Variants in USP47 observed in about 807,000 individuals in gnomAD.
The protein encoded by USP47 is ubiquitin carboxyl-terminal hydrolase 47.
Under a neutral mutation model 165.1 loss-of-function variants are expected in USP47, and 35 were observed. That is an observed-to-expected ratio of 0.21 (90% CI 0.16 to 0.28). The LOEUF (loss-of-function observed/expected upper bound fraction) is 0.28, where lower values mean the gene tolerates loss of function less well. Ranked by LOEUF, USP47 falls within the 10% of genes least tolerant of loss-of-function variation. USP47 has a pLI of 1.00. For missense variants in USP47, 1,277 were observed against 1,607.4 expected, an observed-to-expected ratio of 0.79 and a Z score of 3.52; for synonymous variants, 531 against 544.5, an observed-to-expected ratio of 0.98 and a Z score of 0.35.
intron 8 of USP47, among the ~76,000 whole-genome samples, chr11:11,908,961 A>G (rs932631857): frequency 6.6e-6 from 1 of 152,128 alleles, no homozygotes; most frequent in African/African-American, 2.4e-5. Context: ...ATCACAGTGC[A>G]TATTATATTT....
At chr11:11,869,310 T>C (rs1849881762) in intron 1 of USP47, among the ~76,000 whole-genome samples, 1 of 149,026 alleles carries the variant, frequency 6.7e-6, no homozygotes, top group South Asian at 2.1e-4. Context: ...AGAGTTAGGT[T>C]GAGAATTTTT....
chr11:11,865,904 C>A (rs1849651449), intron 1 of USP47, among the ~76,000 whole-genome samples: 1 of 151,978 alleles, frequency 6.6e-6, no homozygotes, highest in African/African-American at 2.4e-5. Flanking sequence ...TATAAGAATT[C>A]TTTATATATT....
At chr11:11,877,805 CTGTGTG>C (rs10577564) in intron 1 of USP47, among the ~76,000 whole-genome samples, 1,789 of 70,968 alleles carry the variant, frequency 0.025, 26 homozygotes, top group East Asian at 0.068. Flanking sequence ...CTCTCTCTCT[CTGTGTG>C]TGTGTGTGTG....
At chr11:11,932,729 T>A (rs1162742008) in intron 14 of USP47, among the ~76,000 whole-genome samples, 2 of 152,166 alleles carry the variant, frequency 1.3e-5, no homozygotes, top group Non-Finnish European at 2.9e-5. Context: ...TTCTAAAATA[T>A]TAATCCACAT....
chr11:11,874,293 C>T (rs1850250464), intron 1 of USP47, among the ~76,000 whole-genome samples: 1 of 152,172 alleles, frequency 6.6e-6, no homozygotes, highest in African/African-American at 2.4e-5. Context: ...CTAACCTTTA[C>T]TTAATACTTG....
At chr11:11,930,207 G>C (rs1854561019) in intron 13 of USP47, 87 bp downstream of exon 13, 1 of 1,274,646 alleles carries the variant, frequency 7.8e-7, no homozygotes, top group Admixed American at 2.0e-5. Flanking sequence ...ATTTAACCAA[G>C]GGATTGAGGA....
In USP47 at chr11:11,942,489, A is replaced by G; in HGVS notation, c.2468A>G (p.Gln823Arg). Residue 823 changes from glutamine to arginine, a missense_variant, in exon 20 of 28, where the codon CAG (glutamine) becomes CGG (arginine). Coordinates refer to ENST00000527733, the MANE Select transcript of USP47 (RefSeq NM_001282659.2). ...PVSYSKRTAY[Q>R]KAGGDSGNVD... The stretch of plus-strand genomic sequence containing the variant: ...TCTTATTCCAAAAGGACAGCATACC[A>G]GAAAGCTGGAGGCGATTCTGGTAAT... The G allele has an allele frequency of 6.2e-7, 1 of 1,613,654 alleles. No individual in the cohort carries two copies. Among genetic ancestry groups the G allele is most frequent in the Non-Finnish European group, 8.5e-7 (1 of 1,179,734 alleles).
chr11:11,929,269 GT>G (rs1349786735), intron 11 of USP47, among the ~76,000 whole-genome samples, 164 bp from the exon 12 acceptor site: 1 of 152,040 alleles, frequency 6.6e-6, no homozygotes, highest in African/African-American at 2.4e-5. Context: ...ATATACAGTT[GT>G]TTGATAACTT....
rs535281474 is a variant in USP47 at position 11,959,745 on chromosome 11, TC to T, written c.*3574del. 2.6e-5 allele frequency among the ~76,000 whole-genome samples: 4 copies of T among 152,190 alleles called. No homozygotes were observed. Among genetic ancestry groups the T allele is most frequent in the Admixed American group, 2.6e-4 (4 of 15,290 alleles). On this transcript the variant is annotated 3_prime_UTR_variant, in exon 28 of 28. Transcript: ENST00000527733. ...GAGTTGAGAGGAATGCTCTGCCCCTTCCCCATCACAGCACTGCCCCTTTCCA... is the reference window on the plus strand; with the variant it reads ...GAGTTGAGAGGAATGCTCTGCCCCTTCCCATCACAGCACTGCCCCTTTCCA...
chr11:11,873,829 C>A, intron 1 of USP47: 3 of 1,489,632 alleles, frequency 2.0e-6, no homozygotes, highest in Non-Finnish European at 2.7e-6. Context: ...GACAAAATAT[C>A]TTTGATGAAA....
At chr11:11,900,986 A>G (rs539123604) in intron 5 of USP47, among the ~76,000 whole-genome samples, 1 of 152,198 alleles carries the variant, frequency 6.6e-6, no homozygotes, top group Admixed American at 6.5e-5. Flanking sequence ...AGTACCCGCT[A>G]TTGAAGATAA....
At chr11:11,860,695 AC>A (rs1287795604) in intron 1 of USP47, among the ~76,000 whole-genome samples, 1 of 152,226 alleles carries the variant, frequency 6.6e-6, no homozygotes, top group Non-Finnish European at 1.5e-5. Context: ...CAGCCTACTC[AC>A]AGAGGAAATC....
chr11:11,923,678 G>C (rs1854029426), intron 11 of USP47, among the ~76,000 whole-genome samples: 1 of 152,012 alleles, frequency 6.6e-6, no homozygotes. Flanking sequence ...TTAAATATAG[G>C]GATTTTTAAG....
intron 15 of USP47, 23 bp from the exon 16 acceptor site, chr11:11,933,808 T>G (rs1477165946): frequency 6.6e-7 from 1 of 1,519,336 alleles, no homozygotes; most frequent in African/African-American, 1.5e-5. Context: ...GCAGAGTTGA[T>G]GATGATATTT....
At position 11,958,009 on chromosome 11, in the gene USP47, C is replaced by T. The variant is rs903668305; in HGVS notation, c.*1834C>T. 2 of 152,232 alleles carry T rather than the reference C, an allele frequency of 1.3e-5. No individual in the cohort carries two copies. Among genetic ancestry groups the T allele is most frequent in the Non-Finnish European group, 2.9e-5 (2 of 68,044 alleles). The allele number at this position is 152,232 out of a possible 1,614,324, so 9.4% of individuals were successfully genotyped here. A position where few individuals can be genotyped will look rare whatever the true frequency, so the allele number is the denominator to read the frequency against. On this transcript the variant is annotated 3_prime_UTR_variant, in exon 28 of 28. Transcript: ENST00000527733. ...GAAACACTTGTGATGAATTGTCTTT[C>T]AGATCACTTAGATTTTCTGATGTAA...
chr11:11,933,759 GAATA>G (rs1854850120), intron 15 of USP47, 68 bp from the exon 16 acceptor site: 1 of 1,038,380 alleles, frequency 9.6e-7, no homozygotes, highest in Non-Finnish European at 1.5e-6. Context: ...TGACAATTAG[GAATA>G]AATGCTATCT....
At position 11,903,337 on chromosome 11, in the gene USP47, G is replaced by A. The variant is rs918325209; in HGVS notation, c.814G>A (p.Glu272Lys). 3.7e-6 allele frequency: 6 copies of A among 1,611,538 alleles called. No homozygotes were observed. The highest frequency in any genetic ancestry group is 3.3e-5 in the Admixed American group (2 of 59,884). ...TTTGGAACAGAAATGGAAGCAAACA[G>A]AACAGGTAATTTATATCTCTCAAAT... is the stretch of plus-strand genomic sequence containing the variant. ...DALEQKWKQT[E>K]QADLINELYQ... Residue 272 changes from glutamate (E) to lysine (K), a missense_variant, in exon 7 of 28, where the codon GAA becomes AAA. By Grantham distance (56) the Glu-to-Lys change is moderately conservative. Around this residue, in one of 4 missense-constraint regions of USP47, gnomAD observed 175 missense variants for 295.8 expected, o/e 0.59. Coordinates refer to ENST00000527733, the MANE Select transcript of USP47 (RefSeq NM_001282659.2).
At chr11:11,874,808 CT>C (rs1227897594) in intron 1 of USP47, among the ~76,000 whole-genome samples, 5 of 152,154 alleles carry the variant, frequency 3.3e-5, no homozygotes, top group Non-Finnish European at 5.9e-5. Context: ...ATCCACTCAC[CT>C]TGGCCTCCCA....
intron 12 of USP47, 63 bp from the exon 13 acceptor site, chr11:11,929,981 A>T (rs776352161): frequency 7.8e-7 from 1 of 1,277,612 alleles, no homozygotes; most frequent in African/African-American, 1.5e-5. Context: ...ATTGAGTTAC[A>T]TATTGACGTT....
Sources: gnomAD v4.1 joint callset for allele counts (sites outside exome capture counted in the v4.1 genomes callset) on GRCh38, gnomAD v4.1.1 for gene constraint, gnomAD v4.1.1 regional missense constraint, MANE v1.5 for transcripts, NCBI Gene and HGNC (gene_info 2026-07-23, HGNC 2026-07-21) for gene names.